The following RBM34 variants were observed in gnomAD, a reference collection of about 807,000 sequenced individuals.
The protein encoded by RBM34 is RNA-binding protein 34.
A neutral mutation model predicts 44.6 loss-of-function variants in RBM34; 39 were observed. The observed-to-expected ratio is 0.87, with a 90% CI of 0.68 to 1.14. RBM34 has a LOEUF of 1.14. RBM34 is among the 50% of genes most tolerant of loss of function. The pLI is 0.00. For synonymous variants in RBM34, 194 were observed against 184.0 expected (o/e 1.05, Z -0.44); for missense variants, 572 against 517.9 (o/e 1.10, Z -1.01).
intron 4 of RBM34, among the ~76,000 whole-genome samples, chr1:235,154,227 C>T (rs1662298094): frequency 6.8e-6 from 1 of 146,542 alleles, no homozygotes; most frequent in Admixed American, 6.9e-5. Flanking sequence ...GCCTGGGCAA[C>T]AGAGCGAGAC....
At chr1:235,152,891 CAG>C (rs1662224862) in intron 4 of RBM34, 126 bp from the exon 5 acceptor site, 7 of 747,810 alleles carry the variant, frequency 9.4e-6, no homozygotes, top group Admixed American at 3.6e-5. Flanking sequence ...TTTTTTGAGA[CAG>C]AGTCTTGCAC....
Position 235,131,904 on chromosome 1 carries a change from A to C in RBM34, c.1102T>G (p.Phe368Val). Residue 368 changes from phenylalanine to valine, a missense_variant, in exon 11 of 11, where the codon TTT becomes GTT. Transcript: ENST00000408888. The stretch of plus-strand genomic sequence containing the variant: ...CGTGGATTTGAATTTTGTTGTTTAA[A>C]TTTTTCTTTATTAACAGAACGCATG... ...RVMRSVNKEK[F>V]KQQNSNPRLK... 1.2e-6 allele frequency: 2 copies of C among 1,613,840 alleles called. No homozygotes were observed. Among genetic ancestry groups the C allele is most frequent in the Non-Finnish European group, 1.7e-6 (2 of 1,179,868 alleles).
At chr1:235,161,109 C>A (rs1198474562) in intron 1 of RBM34, 42 bp from the exon 2 acceptor site, 2 of 1,606,274 alleles carry the variant, frequency 1.2e-6, no homozygotes, top group African/African-American at 2.7e-5. Flanking sequence ...CACGCACCAC[C>A]GCTTCGCCAG....
chr1:235,136,137 TCCTC>T (rs1661418897), intron 8 of RBM34, 64 bp from the exon 9 acceptor site: 4 of 1,370,408 alleles, frequency 2.9e-6, no homozygotes, highest in Non-Finnish European at 4.1e-6. Context: ...TCATCGAAAA[TCCTC>T]CCTATCCCTC....
chr1:235,149,307 T>C (rs1222196670), intron 5 of RBM34, among the ~76,000 whole-genome samples: 1 of 145,094 alleles, frequency 6.9e-6, no homozygotes, highest in African/African-American at 2.6e-5. Flanking sequence ...GAGAATGGCG[T>C]GAACCCGGGA....
intron 3 of RBM34, among the ~76,000 whole-genome samples, chr1:235,155,661 T>A (rs940971529): frequency 2.7e-5 from 4 of 146,268 alleles, no homozygotes; most frequent in African/African-American, 1.0e-4. Flanking sequence ...GCTGCCATCA[T>A]GCCAGGCTAA....
chr1:235,136,065 CTT>C lies in RBM34; in HGVS notation c.856_857del (p.Lys286GlufsTer11), dbSNP rs747689512. 27 of 1,599,612 alleles carry C rather than the reference CTT, an allele frequency of 1.7e-5. No homozygotes were observed. Among genetic ancestry groups the C allele is most frequent in the South Asian group, 6.7e-5 (6 of 90,028 alleles). ...GGAGATTCCCCACAAAAACCGATCT[CTT>C]GTCTCTCTGAAACAAAAAGACAGTT... Reference protein sequence around the residue: ...DLASETSSRDKRSVFVGNLPY... With the variant: ...DLASETSSRDXRSVFVGNLPY... On this transcript the variant is annotated frameshift_variant, in exon 9 of 11. Coordinates refer to ENST00000408888, the MANE Select transcript of RBM34 (RefSeq NM_015014.4). LOFTEE classifies it high-confidence loss of function.
At chr1:235,155,816 C>CATATACATATATATATATATATATATAT (rs1403303226) in intron 3 of RBM34, among the ~76,000 whole-genome samples, 8 of 72,732 alleles carry the variant, frequency 1.1e-4, no homozygotes, top group South Asian at 3.5e-4. Context: ...TTTATACATA[C>CATATACATATATATATATATATATATAT]ATATACATAT....
chr1:235,139,780 C>G (rs1044971251), intron 6 of RBM34, among the ~76,000 whole-genome samples: 2 of 152,222 alleles, frequency 1.3e-5, no homozygotes, highest in Non-Finnish European at 2.9e-5. Flanking sequence ...TAAGGACAGG[C>G]CTGCTTCCTC....
chr1:235,138,843 TCTCA>T (rs747082537), intron 6 of RBM34, among the ~76,000 whole-genome samples: 15 of 152,232 alleles, frequency 9.9e-5, no homozygotes, highest in Non-Finnish European at 2.2e-4. Context: ...TCTCTTTATC[TCTCA>T]CTATTTGGCC....
Position 235,151,592 on chromosome 1 carries a change from C to G in RBM34, c.657+1114G>C, listed in dbSNP as rs534564444. ...GAGGTGCAGGAGGTGCTACCAGCAT[C>G]TAGTGGGTAAAGACCATGGATGTTA... On this transcript the variant is annotated intron_variant, in intron 5 of 10. Coordinates refer to ENST00000408888, the MANE Select transcript of RBM34 (RefSeq NM_015014.4). Among the ~76,000 whole-genome samples, 3 of 152,208 alleles carry G rather than the reference C, an allele frequency of 2.0e-5. No individual in the cohort carries two copies. The South Asian group carries it at 6.2e-4, about 32-fold the overall frequency.
rs1221423941 is a variant in RBM34, at chr1:235,155,003, C to A, written c.475G>T (p.Asp159Tyr). Residue 159 changes from aspartate (D) to tyrosine (Y), a missense_variant, in exon 4 of 11, where the codon GAT becomes TAT. Asp to Tyr is a radical substitution (Grantham distance 160). Coordinates refer to ENST00000408888, the MANE Select transcript of RBM34 (RefSeq NM_015014.4). Reference protein sequence around the residue: ...GVKVADRKILDDTEDTVVSQR... With the variant: ...GVKVADRKILYDTEDTVVSQR... ...CTGACAACTGTGTCTTCTGTGTCATCAAGTATTTTTCTATCTGCTACTTTA... is the reference window on the plus strand; with the variant it reads ...CTGACAACTGTGTCTTCTGTGTCATAAAGTATTTTTCTATCTGCTACTTTA... The A allele has an allele frequency of 3.7e-6, 6 of 1,613,930 alleles. No individual in the cohort carries two copies. Among genetic ancestry groups the A allele is most frequent in the Non-Finnish European group, 5.1e-6 (6 of 1,179,978 alleles).
rs1662697860 is a variant in RBM34 at position 235,161,061 on chromosome 1, A to G, written c.60T>C (p.Asn20=). 2 of 1,613,744 alleles carry G rather than the reference A, an allele frequency of 1.2e-6. No individual in the cohort carries two copies. The highest frequency in any genetic ancestry group is 1.3e-5 in the African/African-American group (1 of 74,982). The change falls in exon 2 of 11, where the codon AAT becomes AAC. Residue 20 remains asparagine (N), a synonymous_variant. Coordinates refer to ENST00000408888, the MANE Select transcript of RBM34 (RefSeq NM_015014.4). ...GACTCCCGCGAACGCCGTCGTCAGG[A>G]TTCTCTCTAGAAATGGACGACAGAA... ...KRKRSVQEGE[N]PDDGVRGSPP... is the part of the protein sequence containing the mutation.
chr1:235,139,849 C>A (rs1017205988), intron 6 of RBM34, among the ~76,000 whole-genome samples: 1 of 152,190 alleles, frequency 6.6e-6, no homozygotes, highest in Non-Finnish European at 1.5e-5. Context: ...AGCACAGGGG[C>A]AAAATGCTGG....
At chr1:235,149,990 A>C (rs537314151) in intron 5 of RBM34, among the ~76,000 whole-genome samples, 2 of 152,374 alleles carry the variant, frequency 1.3e-5, no homozygotes, top group Admixed American at 1.3e-4. Flanking sequence ...TAAATGAATA[A>C]TCAACATGTG....
intron 10 of RBM34, among the ~76,000 whole-genome samples, chr1:235,134,445 G>A (rs1032150842): frequency 2.6e-5 from 4 of 152,118 alleles, no homozygotes; most frequent in African/African-American, 7.2e-5. Context: ...ACAGTCACGC[G>A]TCAACATGCC....
At chr1:235,143,599 A>G (rs1661777501) in intron 6 of RBM34, among the ~76,000 whole-genome samples, 1 of 152,172 alleles carries the variant, frequency 6.6e-6, no homozygotes, top group Non-Finnish European at 1.5e-5. Flanking sequence ...TTAGCTGGGC[A>G]TGGTGGTATG....
At chr1:235,158,828 G>A (rs999034534) in intron 3 of RBM34, among the ~76,000 whole-genome samples, 1 of 152,086 alleles carries the variant, frequency 6.6e-6, no homozygotes, top group South Asian at 2.1e-4. Flanking sequence ...GTTAAACAAC[G>A]TTATGCTGGC....
rs1662676450 is a variant in RBM34, at chr1:235,160,761, G to C, written c.229-114C>G. 8 of 1,504,196 alleles carry C rather than the reference G, an allele frequency of 5.3e-6. No individual in the cohort carries two copies. In the East Asian group the frequency reaches 1.8e-4, roughly 34 times the overall value. 93.2% of individuals were successfully genotyped at this position (1,504,196 alleles called of 1,614,324 possible). A position where few individuals can be genotyped will look rare whatever the true frequency, so the allele number is the denominator to read the frequency against. On this transcript the variant is annotated intron_variant, in intron 2 of 10. Transcript: ENST00000408888. Reference sequence around the variant, plus strand: ...TCTTCTCTCTCACTGGTATGTAAGAGTCATGAAAGGTTACTTAAAATGAAT... The same window carrying C: ...TCTTCTCTCTCACTGGTATGTAAGACTCATGAAAGGTTACTTAAAATGAAT...
Sources: allele counts gnomAD v4.1 joint callset (sites outside exome capture counted in the v4.1 genomes callset), GRCh38; gene constraint gnomAD v4.1.1; transcripts MANE v1.5; gene names NCBI Gene and HGNC (gene_info 2026-07-23, HGNC 2026-07-21).